The following ZHX2 variants were observed in gnomAD, a reference collection of about 807,000 sequenced individuals.
ZHX2 encodes zinc fingers and homeoboxes 2, also known as zinc fingers and homeoboxes protein 2.
In ZHX2, 6 loss-of-function variants were observed where a neutral mutation model predicts 21.9. The ratio of observed to expected loss-of-function variants is 0.27; its 90% CI spans 0.15 to 0.54. The LOEUF (loss-of-function observed/expected upper bound fraction) is 0.54, where lower values mean the gene tolerates loss of function less well. ZHX2 is among the 20% of genes least tolerant of loss of function. The probability of loss-of-function intolerance (pLI) is 0.95; values close to 1 mark genes in which losing one functional copy is unlikely to be tolerated. For missense variants in ZHX2, 908 were observed against 1,090.7 expected, an observed-to-expected ratio of 0.83 and a Z score of 2.36; for synonymous variants, 434 against 437.1, an observed-to-expected ratio of 0.99 and a Z score of 0.09.
At chr8:122,941,563 G>A (rs190223465) in intron 2 of ZHX2, among the ~76,000 whole-genome samples, 10 of 151,686 alleles carry the variant, frequency 6.6e-5, no homozygotes, top group South Asian at 6.2e-4. Context: ...TTTCTACCTC[G>A]TCCTCCAAAT....
At chr8:122,924,775 G>A (rs1050324523) in intron 2 of ZHX2, among the ~76,000 whole-genome samples, 1 of 152,206 alleles carries the variant, frequency 6.6e-6, no homozygotes, top group East Asian at 1.9e-4. Flanking sequence ...CTGGTGACCA[G>A]ACAGAGAAAA....
intron 3 of ZHX2, among the ~76,000 whole-genome samples, chr8:122,955,074 G>A (rs543013630): frequency 1.1e-4 from 15 of 135,064 alleles, no homozygotes; most frequent in African/African-American, 3.9e-4. Flanking sequence ...TAAGCCGGGG[G>A]GGGGGGGGTG....
rs189288676 is a variant in ZHX2, at chr8:122,794,011, G to C, written c.-283+12065G>C. On this transcript the variant is annotated intron_variant, in intron 1 of 3. Transcript: ENST00000314393. ...TATCCACCAGTCATCGTACATGTGG[G>C]TTGGTGCCATGATGAGTCCTTGAGT... Among the ~76,000 whole-genome samples the C allele has an allele frequency of 8.5e-5, 13 of 152,336 alleles. No individual in the cohort carries two copies. The East Asian group carries it at 2.3e-3, about 27-fold the overall frequency.
At chr8:122,927,911 A>G (rs898380450) in intron 2 of ZHX2, among the ~76,000 whole-genome samples, 18 of 152,184 alleles carry the variant, frequency 1.2e-4, no homozygotes, top group Admixed American at 3.9e-4. Context: ...CACCAGGCAC[A>G]GGGGGATTTA....
chr8:122,873,633 T>A (rs1436590996), intron 2 of ZHX2, among the ~76,000 whole-genome samples: 1 of 152,240 alleles, frequency 6.6e-6, no homozygotes, highest in African/African-American at 2.4e-5. Context: ...ACAATGTATT[T>A]GATCTAATGG....
chr8:122,914,112 T>C (rs965330726), intron 2 of ZHX2, among the ~76,000 whole-genome samples: 7 of 152,220 alleles, frequency 4.6e-5, no homozygotes, highest in Non-Finnish European at 8.8e-5. Flanking sequence ...TCGCCTGTCG[T>C]CATATTCCAA....
chr8:122,931,989 C>T (rs901393145), intron 2 of ZHX2, among the ~76,000 whole-genome samples: 2 of 152,100 alleles, frequency 1.3e-5, no homozygotes, highest in African/African-American at 4.8e-5. Flanking sequence ...GTGCGTGACT[C>T]TCTAAAGACT....
chr8:122,945,499 G>T (rs113988205), intron 2 of ZHX2, among the ~76,000 whole-genome samples: 5 of 141,520 alleles, frequency 3.5e-5, no homozygotes, highest in African/African-American at 1.3e-4. Context: ...CCAAGGCATT[G>T]TTATGGTCTC....
At chr8:122,874,929 C>CT (rs760015132) in intron 2 of ZHX2, among the ~76,000 whole-genome samples, 8 of 151,658 alleles carry the variant, frequency 5.3e-5, no homozygotes, top group Non-Finnish European at 1.2e-4. Flanking sequence ...AGCTCTATCC[C>CT]TTACTAGCAA....
chr8:122,930,861 C>T (rs1012664466), intron 2 of ZHX2, among the ~76,000 whole-genome samples: 22 of 152,030 alleles, frequency 1.4e-4, no homozygotes, highest in African/African-American at 5.1e-4. Context: ...GTAGGGGGAC[C>T]GGCTGGCACA....
chr8:122,797,430 G>A (rs953933164), intron 1 of ZHX2, among the ~76,000 whole-genome samples: 2 of 152,210 alleles, frequency 1.3e-5, no homozygotes, highest in Admixed American at 6.5e-5. Flanking sequence ...GCACATGACC[G>A]TCGGGCCAGT....
intron 1 of ZHX2, among the ~76,000 whole-genome samples, chr8:122,833,536 C>A (rs1038781553): frequency 6.6e-6 from 1 of 151,988 alleles, no homozygotes; most frequent in East Asian, 1.9e-4. Flanking sequence ...GGAGAAGTTG[C>A]ATGTTTTAAG....
chr8:122,845,925 A>C (rs898325983), intron 1 of ZHX2, among the ~76,000 whole-genome samples: 1 of 152,194 alleles, frequency 6.6e-6, no homozygotes, highest in Admixed American at 6.5e-5. Context: ...AAGCCTTCAA[A>C]AGTTTAAGCG....
At chr8:122,878,796 C>T (rs1819629610) in intron 2 of ZHX2, among the ~76,000 whole-genome samples, 1 of 152,160 alleles carries the variant, frequency 6.6e-6, no homozygotes, top group African/African-American at 2.4e-5. Context: ...ATGAAACCTT[C>T]AAGCCACATG....
intron 3 of ZHX2, among the ~76,000 whole-genome samples, chr8:122,958,231 C>T (rs540334056): frequency 2.5e-4 from 38 of 152,302 alleles, no homozygotes; most frequent in Non-Finnish European, 4.4e-4. Flanking sequence ...AGGCTCACCT[C>T]GGCCCTGAGG....
At chr8:122,885,821 G>A (rs1012073369) in intron 2 of ZHX2, among the ~76,000 whole-genome samples, 8 of 152,190 alleles carry the variant, frequency 5.3e-5, no homozygotes, top group African/African-American at 1.9e-4. Flanking sequence ...TGGAGGAATA[G>A]GTAATTCTTT....
intron 1 of ZHX2, among the ~76,000 whole-genome samples, chr8:122,831,223 G>A (rs548551381): frequency 6.6e-6 from 1 of 152,184 alleles, no homozygotes; most frequent in African/African-American, 2.4e-5. Flanking sequence ...GCATGTGAGC[G>A]AAGTCTACCT....
chr8:122,891,994 G>T (rs962447676), intron 2 of ZHX2, among the ~76,000 whole-genome samples: 2 of 152,114 alleles, frequency 1.3e-5, no homozygotes, highest in Admixed American at 1.3e-4. Flanking sequence ...TGCCTAGATG[G>T]TCTGTCCAAT....
At chr8:122,914,848 T>C (rs910713255) in intron 2 of ZHX2, among the ~76,000 whole-genome samples, 4 of 152,190 alleles carry the variant, frequency 2.6e-5, no homozygotes, top group Non-Finnish European at 5.9e-5. Flanking sequence ...CTGCTTGGGG[T>C]GGCATGTCTC....
Sources: allele counts gnomAD v4.1 joint callset (sites outside exome capture counted in the v4.1 genomes callset), GRCh38; gene constraint gnomAD v4.1.1; transcripts MANE v1.5; gene names NCBI Gene and HGNC (gene_info 2026-07-23, HGNC 2026-07-21).